FHIP1A: variants seen among roughly 807,000 people sequenced by gnomAD.
FHIP1A encodes the protein FHF complex subunit HOOK-interacting protein 1A.
Under a neutral mutation model 88.6 loss-of-function variants are expected in FHIP1A, and 61 were observed. That is an observed-to-expected ratio of 0.69 (90% CI 0.56 to 0.85). FHIP1A has a LOEUF of 0.85. Among genes scored for constraint, FHIP1A ranks in the 40% least tolerant of loss-of-function variants. The pLI is 0.00. For missense variants in FHIP1A, 1,154 were observed against 1,273.5 expected, an observed-to-expected ratio of 0.91 and a Z score of 1.43; for synonymous variants, 478 against 496.0, an observed-to-expected ratio of 0.96 and a Z score of 0.48.
At chr4:151,481,944 A>T (rs1729911036) in intron 2 of FHIP1A, among the ~76,000 whole-genome samples, 1 of 152,120 alleles carries the variant, frequency 6.6e-6, no homozygotes, top group African/African-American at 2.4e-5. Context: ...GCATTAAGCC[A>T]CACATTTGTG....
intron 3 of FHIP1A, among the ~76,000 whole-genome samples, chr4:151,514,073 T>C (rs1395434082): frequency 6.6e-6 from 1 of 152,036 alleles, no homozygotes; most frequent in African/African-American, 2.4e-5. Context: ...CCTCAGCAAA[T>C]GTAAAAGATC....
Position 151,613,839 on chromosome 4 carries a change from T to C in FHIP1A, c.979-15863T>C, listed in dbSNP as rs542517120. Among the ~76,000 whole-genome samples the C allele has an allele frequency of 3.3e-5, 5 of 152,262 alleles. No individual in the cohort carries two copies. The South Asian group carries it at 1.0e-3, about 32-fold the overall frequency. On this transcript the variant is annotated intron_variant, in intron 7 of 13. Coordinates refer to ENST00000435205, the MANE Select transcript of FHIP1A (RefSeq NM_001109977.3). ...AGGTGATTCTAACATGGAACTTGGG[T>C]TGAGAACCACTGCCACAAGATATTC...
At chr4:151,534,348 G>C (rs1731988927) in intron 3 of FHIP1A, among the ~76,000 whole-genome samples, 1 of 152,170 alleles carries the variant, frequency 6.6e-6, no homozygotes, top group African/African-American at 2.4e-5. Flanking sequence ...TATGTCCGTG[G>C]AGGCACATGG....
At chr4:151,569,610 T>C (rs1223974683) in intron 4 of FHIP1A, among the ~76,000 whole-genome samples, 1 of 152,122 alleles carries the variant, frequency 6.6e-6, no homozygotes, top group Non-Finnish European at 1.5e-5. Flanking sequence ...AAGTTCTGTA[T>C]GTTAGGAGAC....
intron 1 of FHIP1A, among the ~76,000 whole-genome samples, chr4:151,413,058 A>G (rs1184145876): frequency 6.6e-6 from 1 of 152,170 alleles, no homozygotes; most frequent in Non-Finnish European, 1.5e-5. Context: ...ATATGTACAT[A>G]TATGTGTATG....
chr4:151,651,329 A>T (rs1737023440), intron 11 of FHIP1A, among the ~76,000 whole-genome samples: 3 of 152,260 alleles, frequency 2.0e-5, no homozygotes, highest in Non-Finnish European at 2.9e-5. Flanking sequence ...ACATCATTAA[A>T]TATTAGCCAA....
intron 7 of FHIP1A, among the ~76,000 whole-genome samples, chr4:151,614,031 C>T (rs1369625342): frequency 6.6e-5 from 10 of 151,780 alleles, no homozygotes; most frequent in Non-Finnish European, 1.2e-4. Context: ...GGTGTGGTGG[C>T]GCACGCCTGT....
chr4:151,493,569 C>G (rs757949904), intron 3 of FHIP1A, among the ~76,000 whole-genome samples: 9 of 152,034 alleles, frequency 5.9e-5, no homozygotes, highest in Non-Finnish European at 1.2e-4. Flanking sequence ...AAGCAAAAAT[C>G]CTTAACAAAA....
rs1388174838 is a variant in FHIP1A at position 151,665,023 on chromosome 4, A to G, written c.*2269A>G. On this transcript the variant is annotated 3_prime_UTR_variant, in exon 14 of 14. Transcript: ENST00000435205. ...GACAGGATCTTGCGCTGCCTGGGCT[A>G]GAGTGGAGTGGTGTGATCACAGCTC... Among the ~76,000 whole-genome samples the G allele has an allele frequency of 6.6e-6, 1 of 152,138 alleles. No homozygotes were observed. Among genetic ancestry groups the G allele is most frequent in the African/African-American group, 2.4e-5 (1 of 41,416 alleles).
At chr4:151,637,847 T>C (rs902026318) in intron 8 of FHIP1A, among the ~76,000 whole-genome samples, 1 of 152,170 alleles carries the variant, frequency 6.6e-6, no homozygotes, top group African/African-American at 2.4e-5. Context: ...GTACAGCTCT[T>C]TCTTTACAGC....
intron 5 of FHIP1A, among the ~76,000 whole-genome samples, chr4:151,578,438 G>A (rs944101973): frequency 1.3e-5 from 2 of 152,180 alleles, no homozygotes; most frequent in Non-Finnish European, 2.9e-5. Context: ...AAGGAATCAT[G>A]GCATGTGATA....
At chr4:151,500,480 G>A (rs900103907) in intron 3 of FHIP1A, among the ~76,000 whole-genome samples, 15 of 150,640 alleles carry the variant, frequency 1.0e-4, no homozygotes, top group African/African-American at 1.5e-4. Context: ...GCCTGCCTGG[G>A]TTTGAATCCT....
chr4:151,564,171 A>G (rs544819265), intron 3 of FHIP1A, among the ~76,000 whole-genome samples: 106 of 152,176 alleles, frequency 7.0e-4, no homozygotes, highest in Non-Finnish European at 1.3e-3. Context: ...TTTAGAAGCA[A>G]TTGGCATGAT....
intron 13 of FHIP1A, among the ~76,000 whole-genome samples, chr4:151,661,616 G>A (rs1302564401): frequency 6.6e-6 from 1 of 152,132 alleles, no homozygotes; most frequent in Non-Finnish European, 1.5e-5. Flanking sequence ...GTAGGGGGCA[G>A]AGGAAGACAT....
chr4:151,645,113 T>C (rs950587613), intron 9 of FHIP1A, among the ~76,000 whole-genome samples: 3 of 152,202 alleles, frequency 2.0e-5, no homozygotes, highest in Admixed American at 6.5e-5. Flanking sequence ...CCTTCTACTT[T>C]CATGAAACTG....
At chr4:151,518,944 C>T (rs1331828427) in intron 3 of FHIP1A, among the ~76,000 whole-genome samples, 1 of 152,040 alleles carries the variant, frequency 6.6e-6, no homozygotes, top group African/African-American at 2.4e-5. Flanking sequence ...ACTTTATCCT[C>T]CCAAAGGCTC....
chr4:151,656,400 C>G lies in FHIP1A; in HGVS notation c.2720C>G (p.Ser907Cys). The G allele has an allele frequency of 1.9e-6, 3 of 1,551,474 alleles. No homozygotes were observed. Among genetic ancestry groups the G allele is most frequent in the African/African-American group, 1.4e-5 (1 of 73,170 alleles). ...TNMVFQPSVR[S>C]LYQVLASVKN... Reference sequence around the variant, plus strand: ...ATGGTCTTCCAGCCAAGCGTCCGCTCTCTCTATCAGGTATGTTAGCTGAAC... The same window carrying G: ...ATGGTCTTCCAGCCAAGCGTCCGCTGTCTCTATCAGGTATGTTAGCTGAAC... Residue 907 changes from serine (S) to cysteine (C), a missense_variant, in exon 12 of 14, where the codon TCT (serine) becomes TGT (cysteine). By Grantham distance (112) the Ser-to-Cys change is moderately radical. Transcript: ENST00000435205. The surrounding 1 kb of genome is among the most constrained non-coding windows in gnomAD (Gnocchi z 4.2).
chr4:151,496,606 T>A (rs1031358022), intron 3 of FHIP1A, among the ~76,000 whole-genome samples: 2 of 152,038 alleles, frequency 1.3e-5, no homozygotes, highest in Non-Finnish European at 2.9e-5. Flanking sequence ...TAGGGTGCAG[T>A]GGCACAATCT....
chr4:151,527,308 G>A (rs528767995), intron 3 of FHIP1A, among the ~76,000 whole-genome samples: 2 of 152,328 alleles, frequency 1.3e-5, no homozygotes, highest in Admixed American at 6.5e-5. Flanking sequence ...GATCACTCGC[G>A]GTTAGGAGCT....
Sources: gnomAD v4.1 joint callset for allele counts (sites outside exome capture counted in the v4.1 genomes callset) on GRCh38, gnomAD v4.1.1 for gene constraint, Gnocchi (gnomAD v3.1) non-coding constraint, MANE v1.5 for transcripts, NCBI Gene and HGNC (gene_info 2026-07-23, HGNC 2026-07-21) for gene names.